RSPH1: variants seen among roughly 807,000 people sequenced by gnomAD.
The protein encoded by RSPH1 is radial spoke head component 1, also known as radial spoke head 1 homolog.
Under a neutral mutation model 44.2 loss-of-function variants are expected in RSPH1, and 32 were observed. The ratio of observed to expected loss-of-function variants is 0.72; its 90% CI spans 0.55 to 0.97. The LOEUF is 0.97. Ranked by LOEUF, RSPH1 falls within the 50% of genes least tolerant of loss-of-function variation. RSPH1 has a pLI of 0.00. For missense variants in RSPH1, 391 were observed against 398.7 expected (o/e 0.98, Z 0.16); for synonymous variants, 134 against 147.3 (o/e 0.91, Z 0.65).
rs2054177062 is a variant in RSPH1 at position 42,485,980 on chromosome 21, C to G, written c.366-176G>C. 1.1e-5 allele frequency: 8 copies of G among 755,850 alleles called. No individual in the cohort carries two copies. In the South Asian group the frequency reaches 1.4e-4, roughly 13 times the overall value. The allele number at this position is 755,850 out of a possible 1,614,324, so 46.8% of individuals were successfully genotyped here. On this transcript the variant is annotated intron_variant, in intron 4 of 8. Coordinates refer to ENST00000291536, the MANE Select transcript of RSPH1 (RefSeq NM_080860.4). ...CCCCTTGCTCAGTGTGCCCCAAGCA[C>G]AGGACATTGCCAGAGGCACAGAGGA...
chr21:42,483,780 A>T (rs981482134), intron 5 of RSPH1, among the ~76,000 whole-genome samples: 11 of 152,048 alleles, frequency 7.2e-5, no homozygotes, highest in African/African-American at 2.7e-4. Flanking sequence ...TATATTTCCT[A>T]GGGTACATTT....
intron 3 of RSPH1, among the ~76,000 whole-genome samples, chr21:42,489,537 G>T (rs1373673115): frequency 6.6e-6 from 1 of 152,168 alleles, no homozygotes; most frequent in Non-Finnish European, 1.5e-5. Context: ...TCAAATGCTG[G>T]TTGGTCACTG....
chr21:42,486,366 C>G lies in RSPH1; in HGVS notation c.365+5G>C, dbSNP rs776206326. 6.2e-7 allele frequency: 1 copy of G among 1,605,808 alleles called. No homozygotes were observed. Among genetic ancestry groups the G allele is most frequent in the African/African-American group, 1.3e-5 (1 of 74,842 alleles). Reference sequence around the variant, plus strand: ...TCCCGTTAAGACCCAAGATAGAAACCGAACCTTTGATGAGCAAACCACTCT... The same window carrying G: ...TCCCGTTAAGACCCAAGATAGAAACGGAACCTTTGATGAGCAAACCACTCT... On this transcript the variant is annotated splice_donor_5th_base_variant and intron_variant, in intron 4 of 8. Transcript: ENST00000291536.
At chr21:42,477,951 A>C (rs1454365925) in intron 6 of RSPH1, among the ~76,000 whole-genome samples, 1 of 152,244 alleles carries the variant, frequency 6.6e-6, no homozygotes, top group Non-Finnish European at 1.5e-5. Flanking sequence ...TTTTAGGCTT[A>C]GGCCTAAGAA....
chr21:42,477,596 C>T (rs1401916459), intron 6 of RSPH1, 152 bp from the exon 7 acceptor site: 1 of 729,480 alleles, frequency 1.4e-6, no homozygotes, highest in Non-Finnish European at 2.3e-6. Flanking sequence ...AGACCAGTTG[C>T]TGACTATCCA....
chr21:42,492,907 G>T (rs1279673009), intron 2 of RSPH1, 44 bp from the exon 3 acceptor site: 1 of 1,573,828 alleles, frequency 6.4e-7, no homozygotes, highest in Admixed American at 1.7e-5. Context: ...GCTGAATGTA[G>T]CATTTGCTAA....
At chr21:42,485,519 G>T in intron 5 of RSPH1, 150 bp downstream of exon 5, 1 of 842,804 alleles carries the variant, frequency 1.2e-6, no homozygotes, top group Non-Finnish European at 1.8e-6. Flanking sequence ...GAGGCTCAGA[G>T]AATGGCACAG....
chr21:42,484,092 G>T (rs1166163002), intron 5 of RSPH1, among the ~76,000 whole-genome samples: 4 of 152,110 alleles, frequency 2.6e-5, no homozygotes, highest in Admixed American at 2.0e-4. Context: ...AATTTTCTGA[G>T]GAAGAAACAC....
intron 3 of RSPH1, 131 bp from the exon 4 acceptor site, chr21:42,486,592 C>G (rs1467258856): frequency 1.5e-6 from 1 of 674,680 alleles, no homozygotes; most frequent in African/African-American, 1.8e-5. Context: ...CACACACAGG[C>G]CCCTTCTGCT....
At chr21:42,484,197 A>G (rs117450092) in intron 5 of RSPH1, among the ~76,000 whole-genome samples, 1 of 152,238 alleles carries the variant, frequency 6.6e-6, no homozygotes, top group Non-Finnish European at 1.5e-5. Context: ...TACCCATAAG[A>G]TTGGAAAAGA....
intron 1 of RSPH1, among the ~76,000 whole-genome samples, chr21:42,494,253 A>C (rs1329187753): frequency 6.6e-6 from 1 of 152,184 alleles, no homozygotes; most frequent in African/African-American, 2.4e-5. Context: ...TACATAATAA[A>C]ATTTATTAAA....
Position 42,476,027 on chromosome 21 carries a change from C to T in RSPH1, c.748G>A (p.Glu250Lys), listed in dbSNP as rs1057278008. The change falls in exon 8 of 9, where the codon GAG becomes AAG. Residue 250 changes from glutamate to lysine, a missense_variant. Transcript: ENST00000291536. The stretch of plus-strand genomic sequence containing the variant: ...AAGCCCTCCAGCAGAGCCTGGGCCT[C>T]CTCCCCGGGTTCTCCTGCACCTGAG... ...GAESAGEPGE[E>K]AQALLEGFEG... 8 of 1,613,708 alleles carry T rather than the reference C, an allele frequency of 5.0e-6. No homozygotes were observed. In the East Asian group the frequency reaches 6.7e-5, roughly 14 times the overall value.
chr21:42,476,756 G>T (rs149289806), intron 7 of RSPH1, among the ~76,000 whole-genome samples: 1 of 152,180 alleles, frequency 6.6e-6, no homozygotes, highest in East Asian at 1.9e-4. Context: ...GGTTGTGGAG[G>T]CCACACCTCC....
intron 1 of RSPH1, among the ~76,000 whole-genome samples, chr21:42,495,340 A>G (rs2054277330): frequency 6.6e-6 from 1 of 152,218 alleles, no homozygotes; most frequent in South Asian, 2.1e-4. Context: ...CACTGACAGC[A>G]CCACTGCAGA....
chr21:42,472,512 G>A lies in RSPH1; in HGVS notation c.*306C>T, dbSNP rs1210704437. ...TTCAGAAAGAAAGGATAATAAAGAC[G>A]TTTATTTGCATTTGTCAATCAACTT... On this transcript the variant is annotated 3_prime_UTR_variant, in exon 9 of 9. Transcript: ENST00000291536. 11 of 216,904 alleles carry A rather than the reference G, an allele frequency of 5.1e-5. No individual in the cohort carries two copies. Among genetic ancestry groups the A allele is most frequent in the Non-Finnish European group, 7.2e-5 (8 of 111,098 alleles). The allele number at this position is 216,904 out of a possible 1,614,324, so 13.4% of individuals were successfully genotyped here. A position where few individuals can be genotyped will look rare whatever the true frequency, so the allele number is the denominator to read the frequency against.
chr21:42,476,113 G>A lies in RSPH1; in HGVS notation c.728-66C>T, dbSNP rs2054046344. 3.8e-6 allele frequency: 6 copies of A among 1,563,514 alleles called. No homozygotes were observed. In the South Asian group the frequency reaches 4.5e-5, roughly 12 times the overall value. ...AAATGGAGCCTGCAGACCTGTGCAG[G>A]GCAGCTGTCCCCTGGGCTGCCGTGC... On this transcript the variant is annotated intron_variant, in intron 7 of 8. Transcript: ENST00000291536.
chr21:42,481,117 C>A (rs1219523173), intron 6 of RSPH1, among the ~76,000 whole-genome samples: 7 of 152,184 alleles, frequency 4.6e-5, no homozygotes, highest in African/African-American at 1.7e-4. Context: ...GTCACGGGGG[C>A]AGATCCCTCA....
intron 6 of RSPH1, among the ~76,000 whole-genome samples, chr21:42,477,909 T>C (rs1023057712): frequency 6.6e-6 from 1 of 152,222 alleles, no homozygotes; most frequent in Non-Finnish European, 1.5e-5. Context: ...TATATTATTC[T>C]TTATATAAAT....
chr21:42,480,798 A>G (rs2054120026), intron 6 of RSPH1, among the ~76,000 whole-genome samples: 1 of 152,174 alleles, frequency 6.6e-6, no homozygotes, highest in Non-Finnish European at 1.5e-5. Flanking sequence ...GGCACAGAGC[A>G]GGTGCGGGAC....
Sources: gnomAD v4.1 joint callset for allele counts (sites outside exome capture counted in the v4.1 genomes callset) on GRCh38, gnomAD v4.1.1 for gene constraint, MANE v1.5 for transcripts, NCBI Gene and HGNC (gene_info 2026-07-23, HGNC 2026-07-21) for gene names.